LRRC37A2: variants seen among roughly 807,000 people sequenced by gnomAD.
LRRC37A2 encodes leucine-rich repeat-containing protein 37A2.
LRRC37A2 carries 9 observed loss-of-function variants against 68.8 expected under a neutral mutation model. The ratio of observed to expected loss-of-function variants is 0.13; its 90% CI spans 0.08 to 0.23. The LOEUF is 0.23. LRRC37A2 is among the 10% of genes least tolerant of loss of function. The pLI is 1.00. For synonymous variants in LRRC37A2, 63 were observed against 367.6 expected (o/e 0.17, Z 9.48); for missense variants, 168 against 950.4 (o/e 0.18, Z 10.82).
At chr17:46,830,856 G>A in the LRRC37A2 span, 1 of 398,010 alleles carries the variant, frequency 2.5e-6, no homozygotes, top group Non-Finnish European at 4.4e-6. Context: ...TATCCTCAAA[G>A]AAAAAGTCTG....
chr17:46,802,616 G>A, the LRRC37A2 span, among the ~76,000 whole-genome samples: 3 of 152,248 alleles, frequency 2.0e-5, no homozygotes, highest in African/African-American at 7.2e-5. Context: ...CCATCCTTTG[G>A]GAAGGGGAGA....
the LRRC37A2 span, among the ~76,000 whole-genome samples, chr17:47,035,821 T>C: frequency 6.6e-6 from 1 of 152,102 alleles, no homozygotes; most frequent in Non-Finnish European, 1.5e-5. Context: ...TTGTCAACAC[T>C]GTCGTTGTCT....
chr17:46,605,567 A>G, the LRRC37A2 span, among the ~76,000 whole-genome samples: 32 of 108,000 alleles, frequency 3.0e-4, no homozygotes, highest in African/African-American at 1.1e-3. Context: ...TATTTTCCAT[A>G]TGCTTAGAGA....
At chr17:46,721,955 G>T in the LRRC37A2 span, 22 of 1,603,036 alleles carry the variant, frequency 1.4e-5, no homozygotes, top group African/African-American at 4.0e-5. Context: ...TTTCTGGAAA[G>T]ATTTCAGTTG....
chr17:47,024,788 T>C, the LRRC37A2 span: 1 of 717,914 alleles, frequency 1.4e-6, no homozygotes, highest in Non-Finnish European at 2.5e-6. Context: ...TTTTTAGTCA[T>C]ATTATCTGTA....
chr17:46,932,678 A>T, the LRRC37A2 span: 652 of 236,500 alleles, frequency 2.8e-3, 2 homozygotes, highest in African/African-American at 0.014. Context: ...ATTTGTTAAC[A>T]GATGTTTAGG....
the LRRC37A2 span, chr17:46,872,797 G>A: frequency 3.6e-6 from 5 of 1,398,458 alleles, no homozygotes; most frequent in African/African-American, 5.7e-5. Flanking sequence ...CTAGGGGACG[G>A]GGAGGGCTGG....
chr17:46,799,310 G>A, the LRRC37A2 span, among the ~76,000 whole-genome samples: 1 of 152,168 alleles, frequency 6.6e-6, no homozygotes, highest in Non-Finnish European at 1.5e-5. Context: ...AGCCTTTTCT[G>A]TTTTGGAAGG....
At chr17:46,876,235 T>TC in the LRRC37A2 span, 1 of 1,593,810 alleles carries the variant, frequency 6.3e-7, no homozygotes, top group African/African-American at 1.3e-5. Flanking sequence ...CTGTTCTGCC[T>TC]CCCCCACAGG....
chr17:46,728,806 T>C, the LRRC37A2 span: 1 of 1,201,892 alleles, frequency 8.3e-7, no homozygotes, highest in Non-Finnish European at 1.2e-6. Context: ...ATGTTTGGAA[T>C]ATGTACATGT....
chr17:46,595,979 A>C, the LRRC37A2 span, among the ~76,000 whole-genome samples: 1 of 97,232 alleles, frequency 1.0e-5, no homozygotes, highest in Non-Finnish European at 1.8e-5. Context: ...TAAGAGAATA[A>C]CCTCCAGTTC....
chr17:46,735,775 T>C, the LRRC37A2 span, among the ~76,000 whole-genome samples: 13 of 152,066 alleles, frequency 8.5e-5, no homozygotes, highest in African/African-American at 2.4e-4. Context: ...TGAAACCCGA[T>C]CTCTACTAAA....
Position 46,549,118 on chromosome 17 carries a change from G to C in LRRC37A2, c.3979G>C (p.Val1327Leu), listed in dbSNP as rs754861820. Residue 1327 changes from valine to leucine, a missense_variant, in exon 10 of 15, where the codon GTC (valine) becomes CTC (leucine). Coordinates refer to ENST00000576629, the Ensembl canonical transcript of LRRC37A2. ...ACCCAAAGTCAAAAAGAGTCCAAAG[G>C]TCAGAAAGAAAAGTTATCTGAGTAG... is the stretch of plus-strand genomic sequence containing the variant. 7 of 1,611,572 alleles carry C rather than the reference G, an allele frequency of 4.3e-6. No homozygotes were observed. The South Asian group carries it at 7.7e-5, about 18-fold the overall frequency.
the LRRC37A2 span, among the ~76,000 whole-genome samples, chr17:46,715,572 A>C: frequency 6.6e-6 from 1 of 152,208 alleles, no homozygotes; most frequent in African/African-American, 2.4e-5. Context: ...CTTCTACCTC[A>C]GATGTACTCT....
the LRRC37A2 span, among the ~76,000 whole-genome samples, chr17:46,908,352 G>A: frequency 6.6e-6 from 1 of 152,164 alleles, no homozygotes; most frequent in Non-Finnish European, 1.5e-5. Flanking sequence ...CAGGGTCCTG[G>A]GCGCTTCCCT....
chr17:46,814,934 C>T, the LRRC37A2 span, among the ~76,000 whole-genome samples: 670 of 152,252 alleles, frequency 4.4e-3, 10 homozygotes, highest in African/African-American at 0.015. Flanking sequence ...GTGCTATTTC[C>T]CAGCTCACTG....
the LRRC37A2 span, chr17:46,874,958 C>T: frequency 1.5e-6 from 2 of 1,328,526 alleles, no homozygotes; most frequent in Non-Finnish European, 2.2e-6. Context: ...GCTGTGTCCT[C>T]AAGCCACATT....
chr17:47,027,625 TTATG>T, the LRRC37A2 span: 2 of 1,197,100 alleles, frequency 1.7e-6, no homozygotes, highest in Non-Finnish European at 2.5e-6. Flanking sequence ...TTTTTGAAGT[TTATG>T]TAAGTTACAA....
the LRRC37A2 span, among the ~76,000 whole-genome samples, chr17:46,880,668 C>G: frequency 6.6e-6 from 1 of 152,190 alleles, no homozygotes; most frequent in Non-Finnish European, 1.5e-5. Flanking sequence ...TTGCAACTGG[C>G]AGGCAGTGGG....
Sources: allele counts gnomAD v4.1 joint callset (sites outside exome capture counted in the v4.1 genomes callset), GRCh38; gene constraint gnomAD v4.1.1; transcripts MANE v1.5; gene names NCBI Gene and HGNC (gene_info 2026-07-23, HGNC 2026-07-21).